Variants in LIN54 observed in about 807,000 individuals in gnomAD.
The protein encoded by LIN54 is protein lin-54 homolog.
LIN54 carries 9 observed loss-of-function variants against 78.7 expected under a neutral mutation model. The ratio of observed to expected loss-of-function variants is 0.11; its 90% CI spans 0.07 to 0.20. The LOEUF is 0.20. LIN54 is among the 10% of genes least tolerant of loss of function. LIN54 has a pLI of 1.00. For missense variants in LIN54, 573 were observed against 889.9 expected, an observed-to-expected ratio of 0.64 and a Z score of 4.53; for synonymous variants, 269 against 318.4, an observed-to-expected ratio of 0.84 and a Z score of 1.65.
upstream of LIN54, among the ~76,000 whole-genome samples, chr4:83,011,027 G>C (rs1729830122): frequency 6.6e-6 from 1 of 152,186 alleles, no homozygotes; most frequent in Non-Finnish European, 1.5e-5. Flanking sequence ...CGCCACCTGC[G>C]GGGTCCCAAG....
chr4:82,932,092 A>ATTTTTT (rs70943171), intron 11 of LIN54, among the ~76,000 whole-genome samples: 4 of 124,854 alleles, frequency 3.2e-5, no homozygotes, highest in Non-Finnish European at 5.0e-5. Flanking sequence ...GTGTATTTTA[A>ATTTTTT]TTTTTTTTTT....
chr4:82,958,145 GTC>G (rs1225723938), intron 4 of LIN54, among the ~76,000 whole-genome samples: 1 of 152,180 alleles, frequency 6.6e-6, no homozygotes, highest in Non-Finnish European at 1.5e-5. Flanking sequence ...ATGGAAGAGT[GTC>G]TCTTTGTAAC....
chr4:82,983,100 C>T (rs972170606), intron 2 of LIN54, among the ~76,000 whole-genome samples: 5 of 151,546 alleles, frequency 3.3e-5, no homozygotes, highest in Admixed American at 2.0e-4. Context: ...CTCTGCCTCC[C>T]GGGTTCAACC....
intron 4 of LIN54, among the ~76,000 whole-genome samples, chr4:82,947,221 ATATATATATATATAT>A (rs1255241328): frequency 7.2e-5 from 1 of 13,838 alleles, no homozygotes; most frequent in African/African-American, 2.4e-4. Context: ...ATATATATAT[ATATATATATATATAT>A]TTTTTTTTTT....
intron 1 of LIN54, among the ~76,000 whole-genome samples, chr4:83,006,265 C>A (rs1001355738): frequency 6.6e-6 from 1 of 151,958 alleles, no homozygotes; most frequent in Non-Finnish European, 1.5e-5. Context: ...CTGGCTAACA[C>A]GGTGAAACCC....
At chr4:82,934,762 A>T (rs1262666297) in intron 11 of LIN54, among the ~76,000 whole-genome samples, 3 of 152,202 alleles carry the variant, frequency 2.0e-5, no homozygotes, top group African/African-American at 7.2e-5. Context: ...ATGAAAATAT[A>T]TGAGAGTATG....
chr4:82,943,752 G>A (rs1469311368), intron 5 of LIN54, among the ~76,000 whole-genome samples: 1 of 151,896 alleles, frequency 6.6e-6, no homozygotes, highest in East Asian at 1.9e-4. Flanking sequence ...GAAGCAGAAG[G>A]GAAGCAGAAG....
At chr4:82,955,369 A>AATAACATATAAC (rs1553950443) in intron 4 of LIN54, among the ~76,000 whole-genome samples, 1 of 138,292 alleles carries the variant, frequency 7.2e-6, no homozygotes, top group Admixed American at 7.5e-5. Flanking sequence ...ATCTCAAAAA[A>AATAACATATAAC]ATAACATAAC....
chr4:83,000,661 C>G (rs1162708094), intron 1 of LIN54, among the ~76,000 whole-genome samples: 4 of 151,878 alleles, frequency 2.6e-5, no homozygotes, highest in Non-Finnish European at 5.9e-5. Context: ...CTTTAAAAGC[C>G]CTTTAAGGCT....
rs1355223248 is a variant in LIN54 at position 82,947,228 on chromosome 4, TATATA to T, written c.952-759_952-755del. On this transcript the variant is annotated intron_variant, in intron 4 of 12. Coordinates refer to ENST00000340417, the MANE Select transcript of LIN54 (RefSeq NM_194282.4). ...AAATTTATATATATATATATATATA[TATATA>T]TATTTTTTTTTTTTTTGAAGACAGG... Among the ~76,000 whole-genome samples, 29 of 33,832 alleles carry T rather than the reference TATATA, an allele frequency of 8.6e-4. 1 individual carries two copies. The highest frequency in any genetic ancestry group is 1.1e-3 in the South Asian group (1 of 946). 22.2% of individuals were successfully genotyped at this position (33,832 alleles called of 152,430 possible).
intron 3 of LIN54, among the ~76,000 whole-genome samples, chr4:82,975,465 C>T (rs1233157687): frequency 1.3e-5 from 2 of 152,066 alleles, no homozygotes; most frequent in Non-Finnish European, 1.5e-5. Flanking sequence ...AATCCTAGCA[C>T]TTTGGGAGGC....
At chr4:82,960,738 T>C (rs886662559) in intron 4 of LIN54, among the ~76,000 whole-genome samples, 1 of 152,170 alleles carries the variant, frequency 6.6e-6, no homozygotes, top group Non-Finnish European at 1.5e-5. Flanking sequence ...CCGTGGTACC[T>C]TTAAGATTAG....
chr4:82,964,906 G>A (rs1725082103), intron 4 of LIN54, among the ~76,000 whole-genome samples: 1 of 152,062 alleles, frequency 6.6e-6, no homozygotes, highest in Non-Finnish European at 1.5e-5. Flanking sequence ...GCTGAGGCAG[G>A]AGAATCACTT....
At chr4:82,967,666 C>T (rs993010603) in intron 4 of LIN54, among the ~76,000 whole-genome samples, 1 of 152,198 alleles carries the variant, frequency 6.6e-6, no homozygotes, top group Non-Finnish European at 1.5e-5. Context: ...ATATCCCTGA[C>T]AGGGAACTTG....
rs2126022012 is a variant in LIN54, at chr4:82,926,547, A to C, written c.*1555T>G. ...GTAGGAAATGAAATAATCATATACTAATTACTGATGATTAAGGTACCTAAC... is the reference window on the plus strand; with the variant it reads ...GTAGGAAATGAAATAATCATATACTCATTACTGATGATTAAGGTACCTAAC... On this transcript the variant is annotated 3_prime_UTR_variant, in exon 13 of 13. Coordinates refer to ENST00000340417, the MANE Select transcript of LIN54 (RefSeq NM_194282.4). The C allele has an allele frequency of 6.6e-6, 1 of 152,520 alleles. No individual in the cohort carries two copies. The highest frequency in any genetic ancestry group is 1.5e-5 in the Non-Finnish European group (1 of 68,018). 9.4% of individuals were successfully genotyped at this position (152,520 alleles called of 1,614,324 possible).
chr4:82,967,839 T>G (rs1414498019), intron 4 of LIN54, among the ~76,000 whole-genome samples: 2 of 152,134 alleles, frequency 1.3e-5, no homozygotes, highest in African/African-American at 2.4e-5. Context: ...TAATCTTCCT[T>G]CTGATCAGAA....
In LIN54 at chr4:82,927,501, T is replaced by A. The variant is rs1255958559; in HGVS notation, c.*601A>T. 2.6e-5 allele frequency: 4 copies of A among 152,242 alleles called. No homozygotes were observed. The highest frequency in any genetic ancestry group is 2.6e-4 in the Admixed American group (4 of 15,292). 9.4% of individuals were successfully genotyped at this position (152,242 alleles called of 1,614,324 possible). A position where few individuals can be genotyped will look rare whatever the true frequency, so the allele number is the denominator to read the frequency against. ...TCCTTTAATATTTTATATGTTTTTTTAAATAACTTTAAAAAATTTTTAGTG... is the reference window on the plus strand; with the variant it reads ...TCCTTTAATATTTTATATGTTTTTTAAAATAACTTTAAAAAATTTTTAGTG... On this transcript the variant is annotated 3_prime_UTR_variant, in exon 13 of 13. Coordinates refer to ENST00000340417, the MANE Select transcript of LIN54 (RefSeq NM_194282.4).
chr4:82,947,227 A>ATTT (rs1425401118), intron 4 of LIN54, among the ~76,000 whole-genome samples: 4 of 22,886 alleles, frequency 1.7e-4, no homozygotes, highest in African/African-American at 6.1e-4. Flanking sequence ...ATATATATAT[A>ATTT]TATATATATT....
chr4:82,936,250 G>A (rs760071683), intron 10 of LIN54, 29 bp downstream of exon 10: 22 of 1,494,148 alleles, frequency 1.5e-5, no homozygotes, highest in South Asian at 1.2e-4. Flanking sequence ...GGATATTTCT[G>A]TCAGTTAAAT....
Sources: allele counts gnomAD v4.1 joint callset (sites outside exome capture counted in the v4.1 genomes callset), GRCh38; gene constraint gnomAD v4.1.1; transcripts MANE v1.5; gene names NCBI Gene and HGNC (gene_info 2026-07-23, HGNC 2026-07-21).